Variants in SWT1 observed in about 807,000 individuals in gnomAD.
SWT1 encodes the protein SWT1 RNA endoribonuclease homolog, also known as transcriptional protein SWT1.
SWT1 carries 33 observed loss-of-function variants against 107.3 expected under a neutral mutation model. The ratio of observed to expected loss-of-function variants is 0.31; its 90% confidence interval spans 0.23 to 0.41. The LOEUF is 0.41. Ranked by LOEUF, SWT1 falls within the 10% of genes least tolerant of loss-of-function variation. SWT1 has a pLI of 1.00. For synonymous variants in SWT1, 345 were observed against 348.3 expected, an observed-to-expected ratio of 0.99 and a Z score of 0.11; for missense variants, 898 against 1,028.9, an observed-to-expected ratio of 0.87 and a Z score of 1.74.
chr1:185,290,343 A>C (rs1053016709), intron 18 of SWT1, among the ~76,000 whole-genome samples: 2 of 152,086 alleles, frequency 1.3e-5, no homozygotes, highest in Non-Finnish European at 2.9e-5. Context: ...TTGGGAGGCC[A>C]TGGTAGGAGG....
intron 3 of SWT1, among the ~76,000 whole-genome samples, chr1:185,166,981 C>G (rs1286199597): frequency 6.6e-6 from 1 of 152,060 alleles, no homozygotes; most frequent in Non-Finnish European, 1.5e-5. Context: ...CACCTTGGCT[C>G]ACTGCAACCT....
chr1:185,274,139 A>C lies in SWT1; in HGVS notation c.2509-2465A>C, dbSNP rs1571687181. On this transcript the variant is annotated intron_variant, in intron 17 of 18. Coordinates refer to ENST00000367500, the MANE Select transcript of SWT1 (RefSeq NM_017673.7). ...AGTACCTAACTTATTAATTATAAGA[A>C]TATGTGGATCTGTTGCTTCATGATA... Among the ~76,000 whole-genome samples the C allele has an allele frequency of 2.6e-5, 4 of 152,146 alleles. No homozygotes were observed. In the East Asian group the frequency reaches 7.7e-4, roughly 29 times the overall value.
intron 9 of SWT1, among the ~76,000 whole-genome samples, chr1:185,189,090 C>T (rs1656728032): frequency 6.6e-6 from 1 of 152,076 alleles, no homozygotes; most frequent in African/African-American, 2.4e-5. Context: ...GTGGTCCTCC[C>T]TCCTCGGCCT....
intron 16 of SWT1, among the ~76,000 whole-genome samples, chr1:185,257,396 A>C (rs776801868): frequency 3.2e-4 from 48 of 152,006 alleles, no homozygotes; most frequent in Non-Finnish European, 6.0e-4. Flanking sequence ...GCCGCCTTGC[A>C]GTTTGATCTC....
chr1:185,187,499 A>G (rs895864425), intron 9 of SWT1, among the ~76,000 whole-genome samples: 5 of 152,094 alleles, frequency 3.3e-5, no homozygotes, highest in African/African-American at 1.2e-4. Flanking sequence ...AAGTATTTGT[A>G]CCAGACACTG....
At chr1:185,200,624 T>C (rs1464800586) in intron 10 of SWT1, among the ~76,000 whole-genome samples, 1 of 152,210 alleles carries the variant, frequency 6.6e-6, no homozygotes, top group Admixed American at 6.5e-5. Context: ...CTCTGGAAGC[T>C]TTGTCCCAGA....
chr1:185,174,423 A>T lies in SWT1; in HGVS notation c.276A>T (p.Ser92=). The change falls in exon 5 of 19, where the codon TCA becomes TCT. Residue 92 remains serine (S), a synonymous_variant. Coordinates refer to ENST00000367500, the MANE Select transcript of SWT1 (RefSeq NM_017673.7). ...GAAGGAGACCAAAAATCGGTTCTTC[A>T]TCCCAAAGACCTATTAAACTCAAAG... is the stretch of plus-strand genomic sequence containing the variant. The part of the protein sequence containing the change: ...TLRRRPKIGS[S]SQRPIKLKEA... 6.3e-7 allele frequency: 1 copy of T among 1,590,086 alleles called. No individual in the cohort carries two copies. The highest frequency in any genetic ancestry group is 2.2e-5 in the East Asian group (1 of 44,730).
intron 16 of SWT1, among the ~76,000 whole-genome samples, chr1:185,255,968 C>A (rs1382716355): frequency 1.3e-5 from 2 of 151,850 alleles, no homozygotes; most frequent in African/African-American, 4.8e-5. Flanking sequence ...TCTTTTAGGG[C>A]AGGCCTGGTG....
chr1:185,188,210 G>A (rs1374908654), intron 9 of SWT1, among the ~76,000 whole-genome samples: 2 of 152,082 alleles, frequency 1.3e-5, no homozygotes, highest in African/African-American at 2.4e-5. Context: ...ACATGTACAG[G>A]TGCTCAAAAG....
chr1:185,174,893 A>G lies in SWT1; in HGVS notation c.746A>G (p.Glu249Gly). The change falls in exon 5 of 19, where the codon GAA (glutamate) becomes GGA (glycine). Residue 249 changes from glutamate to glycine, a missense_variant. Glu to Gly is a moderately conservative substitution (Grantham distance 98, BLOSUM62 -2). Transcript: ENST00000367500. The stretch of plus-strand genomic sequence containing the variant: ...CGTGACACCCTCCAGAAACTTGTAG[A>G]AGAAAATGTCTTCAACATAGATTCT... Reference protein sequence around the residue: ...KSRDTLQKLVEENVFNIDSNN... With the variant: ...KSRDTLQKLVGENVFNIDSNN... 6.2e-7 allele frequency: 1 copy of G among 1,614,122 alleles called. No individual in the cohort carries two copies. The highest frequency in any genetic ancestry group is 8.5e-7 in the Non-Finnish European group (1 of 1,180,000).
intron 5 of SWT1, chr1:185,176,609 A>G: frequency 3.0e-6 from 3 of 985,084 alleles, no homozygotes; most frequent in Non-Finnish European, 3.6e-6. Flanking sequence ...GAACCTTGGA[A>G]TTTTAGAACT....
At chr1:185,239,782 A>G (rs1190667220) in intron 16 of SWT1, among the ~76,000 whole-genome samples, 2 of 152,066 alleles carry the variant, frequency 1.3e-5, no homozygotes, top group Non-Finnish European at 2.9e-5. Flanking sequence ...ATACTTTTGT[A>G]AACTTATGTC....
At chr1:185,172,406 T>G (rs563592920) in intron 4 of SWT1, among the ~76,000 whole-genome samples, 1 of 152,350 alleles carries the variant, frequency 6.6e-6, no homozygotes, top group South Asian at 2.1e-4. Flanking sequence ...AAACATCCTT[T>G]TAAAAAACTG....
At chr1:185,265,194 A>G (rs914272783) in intron 16 of SWT1, among the ~76,000 whole-genome samples, 1 of 152,122 alleles carries the variant, frequency 6.6e-6, no homozygotes, top group Admixed American at 6.5e-5. Context: ...TGAGCTTGCA[A>G]ATTTTTATCT....
At chr1:185,235,512 G>C (rs1389935923) in intron 16 of SWT1, among the ~76,000 whole-genome samples, 1 of 152,132 alleles carries the variant, frequency 6.6e-6, no homozygotes, top group Non-Finnish European at 1.5e-5. Context: ...AAATTCAGCA[G>C]CCCTTCATGC....
rs531575542 is a variant in SWT1, at chr1:185,267,671, T to A, written c.2442-3652T>A. Reference sequence around the variant, plus strand: ...ATATGCATTTAATATATACTTACTGTAATTGTTATGAATTTCTTTTTAAAG... The same window carrying A: ...ATATGCATTTAATATATACTTACTGAAATTGTTATGAATTTCTTTTTAAAG... On this transcript the variant is annotated intron_variant, in intron 16 of 18. Transcript: ENST00000367500. 2.1e-4 allele frequency among the ~76,000 whole-genome samples: 32 copies of A among 152,368 alleles called. No homozygotes were observed. In the South Asian group the frequency reaches 6.4e-3, roughly 31 times the overall value.
upstream of SWT1, chr1:185,157,129 G>A: frequency 5.6e-6 from 1 of 179,802 alleles, no homozygotes; most frequent in Non-Finnish European, 1.2e-5. Context: ...AGCCTCGGAG[G>A]AAGTAAATGC....
intron 18 of SWT1, among the ~76,000 whole-genome samples, chr1:185,289,132 A>G (rs530381968): frequency 1.1e-3 from 160 of 152,354 alleles, no homozygotes; most frequent in African/African-American, 3.8e-3. Flanking sequence ...CAAATAAGAG[A>G]AAAATAAAAA....
At chr1:185,279,977 G>A (rs1343563857) in intron 18 of SWT1, among the ~76,000 whole-genome samples, 1 of 152,024 alleles carries the variant, frequency 6.6e-6, no homozygotes, top group African/African-American at 2.4e-5. Context: ...ATTGCAATAA[G>A]GAGATGTGAA....
Sources: gnomAD v4.1 joint callset for allele counts (sites outside exome capture counted in the v4.1 genomes callset) on GRCh38, gnomAD v4.1.1 for gene constraint, MANE v1.5 for transcripts, NCBI Gene and HGNC (gene_info 2026-07-23, HGNC 2026-07-21) for gene names.